ECE1: variants seen among roughly 807,000 people sequenced by gnomAD.
ECE1 encodes the protein endothelin-converting enzyme 1.
ECE1 carries 35 observed loss-of-function variants against 98.6 expected under a neutral mutation model. The ratio of observed to expected loss-of-function variants is 0.35; its 90% CI spans 0.27 to 0.47. The LOEUF (loss-of-function observed/expected upper bound fraction) is 0.47. ECE1 is among the 20% of genes least tolerant of loss of function. The pLI is 1.00. For synonymous variants in ECE1, 394 were observed against 407.1 expected, an observed-to-expected ratio of 0.97 and a Z score of 0.39; for missense variants, 814 against 1,025.3, an observed-to-expected ratio of 0.79 and a Z score of 2.81.
chr1:21,294,823 G>A (rs1236300302), upstream of ECE1, among the ~76,000 whole-genome samples: 1 of 152,164 alleles, frequency 6.6e-6, no homozygotes, highest in Non-Finnish European at 1.5e-5. The surrounding 1 kb of genome is among the most constrained non-coding windows in gnomAD (Gnocchi z 4.2). Context: ...TCTGAGGCCT[G>A]GGACTGAGCC....
chr1:21,281,684 GTGTTTTGTTT>G (rs373128627), intron 2 of ECE1, among the ~76,000 whole-genome samples: 11 of 151,878 alleles, frequency 7.2e-5, no homozygotes, highest in Non-Finnish European at 1.2e-4. Context: ...CCGTGAGACA[GTGTTTTGTTT>G]TGTTTTGTTT....
chr1:21,279,361 G>A, intron 2 of ECE1, 29 bp from the exon 3 acceptor site: 1 of 1,613,938 alleles, frequency 6.2e-7, no homozygotes, highest in South Asian at 1.1e-5. Context: ...GAGGGGCGGG[G>A]AAGACGTGAG....
Position 21,236,766 on chromosome 1 carries a change from G to A in ECE1, c.1468C>T (p.Arg490Ter), listed in dbSNP as rs2098188781. 1.9e-6 allele frequency: 3 copies of A among 1,613,788 alleles called. No homozygotes were observed. The highest frequency in any genetic ancestry group is 2.2e-5 in the East Asian group (1 of 44,846). ...CTCACCTTTTCCTTGGCTGATTTTC[G>A]GGTTTCCTCATCCATCCACTTCAGG... ...STLKWMDEET[R>*]KSAKEKADAI... Residue 490 changes from arginine (R) to a stop codon, truncating the protein, a stop_gained, in exon 12 of 19, where the codon CGA becomes TGA. Transcript: ENST00000374893. LOFTEE classifies it high-confidence loss of function.
intron 8 of ECE1, among the ~76,000 whole-genome samples, chr1:21,253,017 G>C (rs1358988528): frequency 1.3e-5 from 2 of 151,382 alleles, no homozygotes; most frequent in African/African-American, 4.9e-5. Context: ...CAGGCTTCAG[G>C]GGGCCAGGAC....
At chr1:21,318,708 CCT>C (rs1638893049) in intron 1 of ECE1, among the ~76,000 whole-genome samples, 1 of 152,068 alleles carries the variant, frequency 6.6e-6, no homozygotes, top group Non-Finnish European at 1.5e-5. Flanking sequence ...AGGCGACACC[CCT>C]GAGTTGGTCA....
At position 21,331,795 on chromosome 1, in the gene ECE1, C is replaced by T. The variant is rs374185790; in HGVS notation, c.3+13581G>A. 1.1e-3 allele frequency among the ~76,000 whole-genome samples: 171 copies of T among 152,220 alleles called. 2 individuals carry two copies. In the South Asian group the frequency reaches 0.035, roughly 31 times the overall value. Reference sequence around the variant, plus strand: ...AATTTATAACATAAAATATTTAGTGCTGTACCTGGCACACAGCAAACACTC... The same window carrying T: ...AATTTATAACATAAAATATTTAGTGTTGTACCTGGCACACAGCAAACACTC... On this transcript the variant is annotated intron_variant, in intron 1 of 18. Coordinates refer to the ECE1 transcript ENST00000415912.
At position 21,260,173 on chromosome 1, in the gene ECE1, T is replaced by G. The variant is rs150679262; in HGVS notation, c.615+98A>C. ...CTCTTGGTGCTACCGGCTGGACGTATGAGGTGGGCCAGTGGTACCAGAAGG... is the reference window on the plus strand; with the variant it reads ...CTCTTGGTGCTACCGGCTGGACGTAGGAGGTGGGCCAGTGGTACCAGAAGG... On this transcript the variant is annotated intron_variant, in intron 5 of 18. Transcript: ENST00000374893. This position sits in a 1 kb window ranked among gnomAD's most constrained non-coding sequence, Gnocchi z 4.3. The G allele has an allele frequency of 1.6e-5, 25 of 1,546,696 alleles. No homozygotes were observed. The highest frequency in any genetic ancestry group is 2.1e-5 in the Non-Finnish European group (24 of 1,120,022).
Position 21,247,372 on chromosome 1 carries a change from G to C in ECE1, c.1021-9C>G. On this transcript the variant is annotated splice_polypyrimidine_tract_variant and intron_variant, in intron 8 of 18. Coordinates refer to ENST00000374893, the MANE Select transcript of ECE1 (RefSeq NM_001397.3). ...ATGGCGGGTGCCAAGGTCTGCAAGG[G>C]AAAAGGACAGTGTGACCCTGTGGGG... The C allele has an allele frequency of 6.2e-7, 1 of 1,614,232 alleles. No homozygotes were observed. The highest frequency in any genetic ancestry group is 8.5e-7 in the Non-Finnish European group (1 of 1,180,038).
chr1:21,345,279 G>T lies in ECE1; in HGVS notation c.3+97C>A. The T allele has an allele frequency of 8.2e-7, 1 of 1,226,590 alleles. No individual in the cohort carries two copies. The allele number at this position is 1,226,590 out of a possible 1,614,324, so 76.0% of individuals were successfully genotyped here. ...TGCTGCAGCCGGCGCCCAGCCCCCC[G>T]CGAGCCAGGGCGGCCCCGGGTGCCA... On this transcript the variant is annotated intron_variant, in intron 1 of 18. Transcript: ENST00000415912. This position sits in a 1 kb window ranked among gnomAD's most constrained non-coding sequence, Gnocchi z 5.1.
intron 4 of ECE1, among the ~76,000 whole-genome samples, chr1:21,268,764 G>A (rs866431973): frequency 2.0e-5 from 3 of 152,160 alleles, no homozygotes; most frequent in Non-Finnish European, 4.4e-5. Context: ...TCTTGGAGAC[G>A]CTGAACCCAG....
rs938874317 is a variant in ECE1 at position 21,322,110 on chromosome 1, C to T, written c.3+23266G>A. On this transcript the variant is annotated intron_variant, in intron 1 of 18. Coordinates refer to the ECE1 transcript ENST00000415912. The surrounding 1 kb of genome is among the most constrained non-coding windows in gnomAD (Gnocchi z 4.1). ...TGAAGCTCCCTCACTGCTGCCCCAC[C>T]TGGCTCATGTCAGGAGCTGGAACAA... Among the ~76,000 whole-genome samples the T allele has an allele frequency of 3.3e-5, 5 of 152,186 alleles. No individual in the cohort carries two copies. Among genetic ancestry groups the T allele is most frequent in the African/African-American group, 1.2e-4 (5 of 41,448 alleles).
At chr1:21,295,695 A>G (rs1569690556) in intron 1 of ECE1, among the ~76,000 whole-genome samples, 2 of 151,270 alleles carry the variant, frequency 1.3e-5, no homozygotes, top group East Asian at 3.9e-4. Flanking sequence ...CACATTTTCC[A>G]CTCTGTTTTC....
At chr1:21,250,679 C>A (rs1250104246) in intron 8 of ECE1, among the ~76,000 whole-genome samples, 1 of 152,184 alleles carries the variant, frequency 6.6e-6, no homozygotes, top group African/African-American at 2.4e-5. Flanking sequence ...ACTGATGACA[C>A]CCTCTGTGAG....
chr1:21,235,982 T>C lies in ECE1; in HGVS notation c.1489-55A>G. 6 of 1,546,818 alleles carry C rather than the reference T, an allele frequency of 3.9e-6. No individual in the cohort carries two copies. The highest frequency in any genetic ancestry group is 5.4e-6 in the Non-Finnish European group (6 of 1,118,770). On this transcript the variant is annotated intron_variant, in intron 12 of 18. Coordinates refer to ENST00000374893, the MANE Select transcript of ECE1 (RefSeq NM_001397.3). This position sits in a 1 kb window ranked among gnomAD's most constrained non-coding sequence, Gnocchi z 4.2. ...CCCGGCAACATCGACCAGGCCAGCC[T>C]GAGCAACTTGGGTGCTGGGCTCATA...
rs2098164485 is a variant in ECE1 at position 21,219,284 on chromosome 1, C to G, written c.*671G>C. On this transcript the variant is annotated 3_prime_UTR_variant, in exon 19 of 19. Coordinates refer to ENST00000374893, the MANE Select transcript of ECE1 (RefSeq NM_001397.3). The surrounding 1 kb of genome is among the most constrained non-coding windows in gnomAD (Gnocchi z 4.5). ...CCCATGAGCTGGGCCCCCCGCAGAG[C>G]AGGCTCCTCTCTCTGCCTGGCCTCC... The G allele has an allele frequency of 6.5e-6, 1 of 152,746 alleles. No homozygotes were observed. The highest frequency in any genetic ancestry group is 6.5e-5 in the Admixed American group (1 of 15,356). The allele number at this position is 152,746 out of a possible 1,614,324, so 9.5% of individuals were successfully genotyped here.
chr1:21,258,701 C>T lies in ECE1; in HGVS notation c.754G>A (p.Val252Met), dbSNP rs768531939. The T allele has an allele frequency of 6.2e-6, 10 of 1,613,732 alleles. 1 individual carries two copies. The South Asian group carries it at 7.7e-5, about 12-fold the overall frequency. ...GGTTCAAGCTAGCTCACCTGGATCA[C>T]GTTGCTGTTGGAGTTCTTGGAATCG... ...SADSKNSNSNVIQVDQSGLGL... is the reference protein window; with the variant it reads ...SADSKNSNSNMIQVDQSGLGL... Residue 252 changes from valine (V) to methionine (M), a missense_variant, in exon 6 of 19, where the codon GTG becomes ATG. By Grantham distance (21) the Val-to-Met change is conservative. Around this residue, in one of 3 missense-constraint regions of ECE1, gnomAD observed 105 missense variants for 179.1 expected, o/e 0.59. Coordinates refer to ENST00000374893, the MANE Select transcript of ECE1 (RefSeq NM_001397.3). This position sits in a 1 kb window ranked among gnomAD's most constrained non-coding sequence, Gnocchi z 4.2.
At chr1:21,227,320 G>T in intron 15 of ECE1, 94 bp from the exon 16 acceptor site, 2 of 1,284,902 alleles carry the variant, frequency 1.6e-6, no homozygotes, top group South Asian at 1.2e-5. Context: ...TGGGCTTAGA[G>T]ATATAGCAAA....
chr1:21,278,371 T>C (rs1244179598), intron 3 of ECE1, among the ~76,000 whole-genome samples: 2 of 152,190 alleles, frequency 1.3e-5, no homozygotes, highest in Admixed American at 6.5e-5. Flanking sequence ...AGTGGCCCAA[T>C]TGTATCACCA....
rs2103403363 is a variant in ECE1, at chr1:21,322,144, G to A, written c.3+23232C>T. Among the ~76,000 whole-genome samples, 1 of 152,280 alleles carries A rather than the reference G, an allele frequency of 6.6e-6. No homozygotes were observed. On this transcript the variant is annotated intron_variant, in intron 1 of 18. Transcript: ENST00000415912. The surrounding 1 kb of genome is among the most constrained non-coding windows in gnomAD (Gnocchi z 4.1). ...GTCAGGAGCTGGAACAACTTCTGAA[G>A]TCAGCATTATATGCCCCTTTTACAG... is the stretch of plus-strand genomic sequence containing the variant.
Sources: allele counts gnomAD v4.1 joint callset (sites outside exome capture counted in the v4.1 genomes callset), GRCh38; gene constraint gnomAD v4.1.1; regional missense constraint gnomAD v4.1.1; non-coding constraint Gnocchi (gnomAD v3.1); transcripts MANE v1.5; gene names NCBI Gene and HGNC (gene_info 2026-07-23, HGNC 2026-07-21).